The following LRRC69 variants were observed in gnomAD, a reference collection of about 807,000 sequenced individuals.
LRRC69 encodes leucine-rich repeat-containing protein 69.
Under a neutral mutation model 37.8 loss-of-function variants are expected in LRRC69, and 42 were observed. The observed-to-expected ratio is 1.11, with a 90% CI of 0.87 to 1.44. The LOEUF (loss-of-function observed/expected upper bound fraction) is 1.44, where lower values mean the gene tolerates loss of function less well. LRRC69 is among the 40% of genes most tolerant of loss of function. LRRC69 has a pLI of 0.00. For synonymous variants in LRRC69, 141 were observed against 143.1 expected (o/e 0.99, Z 0.11); for missense variants, 357 against 401.9 (o/e 0.89, Z 0.96).
At chr8:91,180,776 G>A (rs994395131) in intron 5 of LRRC69, among the ~76,000 whole-genome samples, 8 of 151,318 alleles carry the variant, frequency 5.3e-5, no homozygotes, top group Non-Finnish European at 1.2e-4. Flanking sequence ...TCTGGCATAG[G>A]GCAAAGAATC....
chr8:91,121,764 T>C (rs1563595875), intron 1 of LRRC69, among the ~76,000 whole-genome samples: 1 of 152,140 alleles, frequency 6.6e-6, no homozygotes, highest in Non-Finnish European at 1.5e-5. Context: ...ATGCAATGAA[T>C]ATTTTTTAAT....
At chr8:91,104,019 A>G (rs1260935060) in intron 1 of LRRC69, among the ~76,000 whole-genome samples, 1 of 151,980 alleles carries the variant, frequency 6.6e-6, no homozygotes, top group Admixed American at 6.6e-5. Context: ...CGATCTCCAT[A>G]TATAACCACT....
chr8:91,186,506 A>G (rs1040725659), intron 5 of LRRC69, among the ~76,000 whole-genome samples: 1 of 152,082 alleles, frequency 6.6e-6, no homozygotes, highest in Non-Finnish European at 1.5e-5. Context: ...GTATCTCTGA[A>G]AGCTTAAAAG....
At chr8:91,157,268 T>A in intron 5 of LRRC69, 1 of 1,558,374 alleles carries the variant, frequency 6.4e-7, no homozygotes, top group Non-Finnish European at 8.8e-7. Flanking sequence ...CTCTCTAATG[T>A]GACCTTTCTC....
rs1586279032 is a variant in LRRC69, at chr8:91,194,953, T to C, written c.753+5330T>C. 3.3e-5 allele frequency among the ~76,000 whole-genome samples: 5 copies of C among 152,342 alleles called. 1 individual carries two copies. The highest frequency in any genetic ancestry group is 2.6e-4 in the Admixed American group (4 of 15,302). On this transcript the variant is annotated intron_variant, in intron 6 of 7. Coordinates refer to ENST00000448384, the Ensembl canonical transcript of LRRC69. The stretch of plus-strand genomic sequence containing the variant: ...GTGATGTTAGGGTGTCAATTTTGGA[T>C]CTTTCCTGCTTTGTCTTGTGGGCAT...
intron 7 of LRRC69, 108 bp from the exon 8 acceptor site, chr8:91,218,782 G>A (rs562068853): frequency 2.7e-5 from 17 of 639,078 alleles, no homozygotes; most frequent in East Asian, 8.7e-5. Flanking sequence ...AGAATAGTGC[G>A]TCTTTAGAAG....
At chr8:91,155,492 C>A (rs190775578) in intron 5 of LRRC69, among the ~76,000 whole-genome samples, 1 of 150,894 alleles carries the variant, frequency 6.6e-6, no homozygotes. Flanking sequence ...ATTCAACAAC[C>A]TATCTATTTG....
intron 5 of LRRC69, among the ~76,000 whole-genome samples, chr8:91,183,602 G>T (rs1282336550): frequency 6.6e-6 from 1 of 150,936 alleles, no homozygotes; most frequent in Non-Finnish European, 1.5e-5. Context: ...TAATCAATTT[G>T]ATGAATATGG....
At chr8:91,171,282 A>G (rs1227583635) in intron 5 of LRRC69, among the ~76,000 whole-genome samples, 2 of 124,336 alleles carry the variant, frequency 1.6e-5, no homozygotes, top group Non-Finnish European at 3.4e-5. Flanking sequence ...CTTACCCCCC[A>G]TGAAATTTTA....
chr8:91,214,074 T>C (rs1240269042), intron 7 of LRRC69, among the ~76,000 whole-genome samples: 2 of 152,176 alleles, frequency 1.3e-5, no homozygotes, highest in East Asian at 3.9e-4. Context: ...GCTGGCTTAG[T>C]TGAAGTTTGA....
chr8:91,215,814 A>G (rs1810035467), intron 7 of LRRC69, among the ~76,000 whole-genome samples: 1 of 152,176 alleles, frequency 6.6e-6, no homozygotes, highest in Non-Finnish European at 1.5e-5. Context: ...GTTTGTGAAG[A>G]GAGGTCCTCT....
chr8:91,188,785 T>C (rs1445450046), intron 5 of LRRC69, among the ~76,000 whole-genome samples: 1 of 152,106 alleles, frequency 6.6e-6, no homozygotes. Flanking sequence ...ATTTAGACTT[T>C]CTCCATAGAA....
At chr8:91,117,477 C>T (rs942996766) in intron 1 of LRRC69, among the ~76,000 whole-genome samples, 1 of 150,874 alleles carries the variant, frequency 6.6e-6, no homozygotes, top group East Asian at 1.9e-4. Flanking sequence ...CTAGTTTGTC[C>T]AGGGGGCATT....
intron 5 of LRRC69, among the ~76,000 whole-genome samples, chr8:91,153,903 C>A (rs767141431): frequency 4.0e-5 from 6 of 150,624 alleles, no homozygotes; most frequent in African/African-American, 9.7e-5. Context: ...AAAAATCCTT[C>A]AAAAAAAATC....
intron 1 of LRRC69, among the ~76,000 whole-genome samples, chr8:91,108,473 T>C (rs1813357333): frequency 6.6e-6 from 1 of 151,936 alleles, no homozygotes; most frequent in Admixed American, 6.6e-5. Context: ...ACACTCGTGA[T>C]GTAGGAGAAT....
chr8:91,161,289 A>G (rs534430687), intron 5 of LRRC69, among the ~76,000 whole-genome samples: 2 of 151,364 alleles, frequency 1.3e-5, no homozygotes. Context: ...TGGTTTTGGT[A>G]TAAGGGAAAT....
At chr8:91,158,886 T>C in intron 5 of LRRC69, 4 of 606,386 alleles carry the variant, frequency 6.6e-6, no homozygotes, top group East Asian at 2.9e-5. Flanking sequence ...CATACAACTT[T>C]GTGCATTTGT....
intron 5 of LRRC69, among the ~76,000 whole-genome samples, chr8:91,187,673 C>A (rs1809427844): frequency 6.6e-6 from 1 of 152,206 alleles, no homozygotes; most frequent in African/African-American, 2.4e-5. Context: ...TTCATTCATA[C>A]TGATACCCTG....
At chr8:91,194,604 A>G (rs1207009101) in intron 6 of LRRC69, among the ~76,000 whole-genome samples, 2 of 151,274 alleles carry the variant, frequency 1.3e-5, no homozygotes, top group Non-Finnish European at 3.0e-5. Context: ...GAATTTATCC[A>G]TTTCTTCTAG....
Sources: gnomAD v4.1 joint callset for allele counts (sites outside exome capture counted in the v4.1 genomes callset) on GRCh38, gnomAD v4.1.1 for gene constraint, MANE v1.5 for transcripts, NCBI Gene and HGNC (gene_info 2026-07-23, HGNC 2026-07-21) for gene names.